Variants in GRM7 observed in about 807,000 individuals in gnomAD.
GRM7 encodes the protein metabotropic glutamate receptor 7.
GRM7 carries 35 observed loss-of-function variants against 84.5 expected under a neutral mutation model. The ratio of observed to expected loss-of-function variants is 0.41; its 90% confidence interval spans 0.32 to 0.55. The LOEUF (loss-of-function observed/expected upper bound fraction) is 0.55. Among genes scored for constraint, GRM7 ranks in the 20% least tolerant of loss-of-function variants. GRM7 has a pLI of 0.19. For synonymous variants in GRM7, 487 were observed against 455.1 expected (o/e 1.07, Z -0.89); for missense variants, 1,003 against 1,194.6 (o/e 0.84, Z 2.36).
At chr3:7,057,767 T>A (rs1017648917) in intron 1 of GRM7, among the ~76,000 whole-genome samples, 3 of 151,954 alleles carry the variant, frequency 2.0e-5, no homozygotes, top group Non-Finnish European at 2.9e-5. Flanking sequence ...TTAATGCTTG[T>A]GACTACCTTG....
chr3:7,635,710 G>T (rs936845940), intron 8 of GRM7, among the ~76,000 whole-genome samples: 1 of 152,158 alleles, frequency 6.6e-6, no homozygotes, highest in Admixed American at 6.5e-5. Context: ...GTCTTGCTGT[G>T]TTGCCCAGGC....
chr3:7,506,920 C>G (rs1014834558), intron 7 of GRM7, among the ~76,000 whole-genome samples: 3 of 152,214 alleles, frequency 2.0e-5, no homozygotes, highest in African/African-American at 7.2e-5. Context: ...ATTCAAACCA[C>G]TGTACCATAT....
At chr3:7,036,620 ACG>A (rs1559398559) in intron 1 of GRM7, among the ~76,000 whole-genome samples, 3 of 151,710 alleles carry the variant, frequency 2.0e-5, no homozygotes, top group South Asian at 2.1e-4. Context: ...ATTTTATTTC[ACG>A]TGGGTTTTTT....
At chr3:7,037,601 CA>C (rs1468118239) in intron 1 of GRM7, among the ~76,000 whole-genome samples, 1 of 152,144 alleles carries the variant, frequency 6.6e-6, no homozygotes, top group East Asian at 1.9e-4. Flanking sequence ...TATTTTTCCA[CA>C]CCTCTTGAGG....
chr3:7,029,705 G>C (rs997258028), intron 1 of GRM7, among the ~76,000 whole-genome samples: 20 of 152,184 alleles, frequency 1.3e-4, no homozygotes, highest in African/African-American at 4.8e-4. Context: ...GCTGGAGGTA[G>C]GGAGAGAGGA....
At chr3:7,520,513 A>G (rs1021790697) in intron 7 of GRM7, among the ~76,000 whole-genome samples, 2 of 38,404 alleles carry the variant, frequency 5.2e-5, no homozygotes, top group African/African-American at 1.9e-4. Context: ...TGAAAAAAAT[A>G]AAAAAAAAAA....
chr3:7,555,742 G>A (rs1251397997), intron 7 of GRM7, among the ~76,000 whole-genome samples: 1 of 152,120 alleles, frequency 6.6e-6, no homozygotes, highest in East Asian at 1.9e-4. Context: ...ACTCATAACA[G>A]TAGAACACTC....
chr3:7,515,811 C>G (rs899830518), intron 7 of GRM7, among the ~76,000 whole-genome samples: 1 of 151,918 alleles, frequency 6.6e-6, no homozygotes, highest in African/African-American at 2.4e-5. Context: ...GCTGTGTAAA[C>G]TAGGGGACAA....
chr3:7,352,421 A>G (rs1477388957), intron 4 of GRM7, among the ~76,000 whole-genome samples: 1 of 152,120 alleles, frequency 6.6e-6, no homozygotes, highest in Non-Finnish European at 1.5e-5. Context: ...TAAAAGGATA[A>G]GCTCTGGGAT....
intron 7 of GRM7, among the ~76,000 whole-genome samples, chr3:7,478,942 A>G (rs1699029443): frequency 6.6e-6 from 1 of 152,182 alleles, no homozygotes; most frequent in Admixed American, 6.5e-5. Flanking sequence ...ACATGACTTT[A>G]TAGTACTCAA....
At chr3:7,385,823 T>C (rs971148785) in intron 4 of GRM7, among the ~76,000 whole-genome samples, 5 of 152,240 alleles carry the variant, frequency 3.3e-5, no homozygotes, top group Admixed American at 1.3e-4. Flanking sequence ...TAACCTAATA[T>C]TTCATCAGTG....
At chr3:6,903,157 A>G (rs1696451955) in intron 1 of GRM7, among the ~76,000 whole-genome samples, 1 of 150,746 alleles carries the variant, frequency 6.6e-6, no homozygotes, top group South Asian at 2.1e-4. Flanking sequence ...TATTAATATT[A>G]CCCTATCAAC....
At position 7,512,804 on chromosome 3, in the gene GRM7, C is replaced by T. The variant is rs114035767; in HGVS notation, c.1515+51082C>T. 3.1e-3 allele frequency among the ~76,000 whole-genome samples: 465 copies of T among 152,048 alleles called. 1 individual carries two copies. Among genetic ancestry groups the T allele is most frequent in the African/African-American group, 0.01 (430 of 41,448 alleles). On this transcript the variant is annotated intron_variant, in intron 7 of 9. Transcript: ENST00000357716. ...GGTGCTTTGAGAAGGAGAAGACAGACGTTTTTGGGGGAGTGCAGAAGGGAA... is the reference window on the plus strand; with the variant it reads ...GGTGCTTTGAGAAGGAGAAGACAGATGTTTTTGGGGGAGTGCAGAAGGGAA...
intron 7 of GRM7, among the ~76,000 whole-genome samples, chr3:7,555,168 A>G (rs1693698006): frequency 6.6e-6 from 1 of 152,198 alleles, no homozygotes; most frequent in Non-Finnish European, 1.5e-5. Context: ...AACTGGTACA[A>G]CCCTTAAGCA....
chr3:7,084,747 G>C (rs559410015), intron 1 of GRM7, among the ~76,000 whole-genome samples: 1 of 152,122 alleles, frequency 6.6e-6, no homozygotes, highest in African/African-American at 2.4e-5. Flanking sequence ...GTTGTTGTAC[G>C]TAGACTTATA....
At chr3:7,261,178 A>T (rs1044054104) in intron 2 of GRM7, among the ~76,000 whole-genome samples, 2 of 152,130 alleles carry the variant, frequency 1.3e-5, no homozygotes, top group African/African-American at 4.8e-5. Flanking sequence ...CCTGCAGGTC[A>T]CAGGGCCACA....
intron 8 of GRM7, among the ~76,000 whole-genome samples, chr3:7,631,728 C>A (rs1697868160): frequency 6.6e-6 from 1 of 152,070 alleles, no homozygotes; most frequent in African/African-American, 2.4e-5. Context: ...ATGCTGGTAG[C>A]AACCCCCGTT....
chr3:7,572,594 C>T lies in GRM7; in HGVS notation c.1516-5828C>T, dbSNP rs141212638. ...CAGCGCTTTGGGAGGCTGAAGCGGG[C>T]GGATCACAAGGTCAGGAGATCGAGA... On this transcript the variant is annotated intron_variant, in intron 7 of 9. Coordinates refer to ENST00000357716, the MANE Select transcript of GRM7 (RefSeq NM_000844.4). Among the ~76,000 whole-genome samples, 387 of 151,242 alleles carry T rather than the reference C, an allele frequency of 2.6e-3. 2 individuals are homozygous for T. The highest frequency in any genetic ancestry group is 8.6e-3 in the African/African-American group (356 of 41,172).
chr3:7,694,277 G>T (rs1700932062), intron 9 of GRM7: 1 of 166,704 alleles, frequency 6.0e-6, no homozygotes, highest in South Asian at 2.0e-4. Context: ...TCAGAATTTG[G>T]CACAACAGCC....
Sources: gnomAD v4.1 joint callset for allele counts (sites outside exome capture counted in the v4.1 genomes callset) on GRCh38, gnomAD v4.1.1 for gene constraint, MANE v1.5 for transcripts, NCBI Gene and HGNC (gene_info 2026-07-23, HGNC 2026-07-21) for gene names.